NAT1: variants seen among roughly 807,000 people sequenced by gnomAD.
NAT1 encodes N-acetyltransferase 1.
For synonymous variants in NAT1, 144 were observed against 122.6 expected (o/e 1.17, Z -1.16); for missense variants, 400 against 339.2 (o/e 1.18, Z -1.41).
rs552236756 is a variant in NAT1 at position 18,193,773 on chromosome 8, C to T, written n.93-16008C>T. Reference sequence around the variant, plus strand: ...TCTCCTGCCTTAGTCTCCTGAGTAGCTGGGATACAGGTGCCTGCCACCACA... The same window carrying T: ...TCTCCTGCCTTAGTCTCCTGAGTAGTTGGGATACAGGTGCCTGCCACCACA... On this transcript the variant is annotated intron_variant and non_coding_transcript_variant, in intron 2 of 4. Coordinates refer to the NAT1 transcript ENST00000517441. Among the ~76,000 whole-genome samples, 32 of 150,538 alleles carry T rather than the reference C, an allele frequency of 2.1e-4. No individual in the cohort carries two copies. In the East Asian group the frequency reaches 5.2e-3, roughly 24 times the overall value.
At chr8:18,199,730 G>T (rs912413757) in intron 2 of NAT1, among the ~76,000 whole-genome samples, 1 of 152,164 alleles carries the variant, frequency 6.6e-6, no homozygotes. Flanking sequence ...AGTTTTGGAA[G>T]TAGCTCATAG....
chr8:18,179,752 A>C (rs1375460920), intron 2 of NAT1, among the ~76,000 whole-genome samples: 1 of 152,176 alleles, frequency 6.6e-6, no homozygotes, highest in Non-Finnish European at 1.5e-5. Flanking sequence ...ATAGATCTAC[A>C]CATGTGCTAT....
intron 2 of NAT1, among the ~76,000 whole-genome samples, chr8:18,193,812 T>C (rs1185781595): frequency 6.6e-6 from 1 of 151,820 alleles, no homozygotes; most frequent in Non-Finnish European, 1.5e-5. Context: ...AGCTAATTTT[T>C]GTATTTTTAG....
intron 2 of NAT1, among the ~76,000 whole-genome samples, chr8:18,220,624 C>T (rs1016616294): frequency 6.6e-6 from 1 of 152,100 alleles, no homozygotes; most frequent in Non-Finnish European, 1.5e-5. Context: ...TCAGGTCTTT[C>T]CTCATTCTAC....
At chr8:18,183,388 TA>T (rs1802600961) in intron 2 of NAT1, among the ~76,000 whole-genome samples, 1 of 152,198 alleles carries the variant, frequency 6.6e-6, no homozygotes, top group Non-Finnish European at 1.5e-5. Flanking sequence ...CGTCCTCGCA[TA>T]TAAAATACAT....
chr8:18,194,541 C>G (rs1324019979), intron 2 of NAT1, among the ~76,000 whole-genome samples: 3 of 152,066 alleles, frequency 2.0e-5, no homozygotes, highest in African/African-American at 7.2e-5. Context: ...TTAAGGTTGG[C>G]TGGGCACGGT....
Position 18,172,556 on chromosome 8 carries a change from G to A in NAT1, n.92+1817G>A, listed in dbSNP as rs116806250. ...ATTTCCCCTGGCCTGTGCCCATGCTGTTTCTCTGTGCAGGCCACCCTTTAC... is the reference window on the plus strand; with the variant it reads ...ATTTCCCCTGGCCTGTGCCCATGCTATTTCTCTGTGCAGGCCACCCTTTAC... On this transcript the variant is annotated intron_variant and non_coding_transcript_variant, in intron 2 of 4. Transcript: ENST00000517441. Among the ~76,000 whole-genome samples the A allele has an allele frequency of 3.7e-3, 557 of 152,260 alleles. 4 individuals are homozygous for A. The highest frequency in any genetic ancestry group is 0.013 in the African/African-American group (535 of 41,558).
At chr8:18,215,662 G>T (rs1207591030) in intron 1 of NAT1, among the ~76,000 whole-genome samples, 2 of 151,702 alleles carry the variant, frequency 1.3e-5, no homozygotes, top group African/African-American at 2.4e-5. Context: ...ATTGGTTGTG[G>T]TTTTTTTGTA....
chr8:18,211,872 C>G (rs1267823013), intron 1 of NAT1, among the ~76,000 whole-genome samples: 1 of 152,194 alleles, frequency 6.6e-6, no homozygotes, highest in African/African-American at 2.4e-5. Context: ...CTCATTGGCT[C>G]TCCTTGTAAT....
At chr8:18,205,471 G>A (rs955878883), upstream of NAT1, among the ~76,000 whole-genome samples, 1 of 152,178 alleles carries the variant, frequency 6.6e-6, no homozygotes, top group African/African-American at 2.4e-5. Flanking sequence ...CACTCCCTCA[G>A]CAGTGTTAGC....
intron 2 of NAT1, among the ~76,000 whole-genome samples, chr8:18,183,868 C>A (rs1156235238): frequency 6.6e-6 from 1 of 152,160 alleles, no homozygotes; most frequent in Non-Finnish European, 1.5e-5. Flanking sequence ...ACTCTATGGC[C>A]TGCCTTTCAG....
chr8:18,208,067 A>G (rs1803801850), upstream of NAT1, among the ~76,000 whole-genome samples: 1 of 149,214 alleles, frequency 6.7e-6, no homozygotes, highest in South Asian at 2.2e-4. Flanking sequence ...CTGAACAATG[A>G]GAAGACATGG....
chr8:18,185,507 A>C (rs1802697696), intron 2 of NAT1, among the ~76,000 whole-genome samples: 2 of 151,968 alleles, frequency 1.3e-5, no homozygotes, highest in Admixed American at 1.3e-4. Context: ...CCCCTTTTCA[A>C]TCCTATATTG....
At chr8:18,213,954 C>T (rs979589466) in intron 1 of NAT1, among the ~76,000 whole-genome samples, 18 of 152,146 alleles carry the variant, frequency 1.2e-4, no homozygotes, top group African/African-American at 4.1e-4. Flanking sequence ...GCTGGGACTA[C>T]AGGCACCTGC....
At chr8:18,174,754 T>C (rs1802222601) in intron 2 of NAT1, among the ~76,000 whole-genome samples, 1 of 152,056 alleles carries the variant, frequency 6.6e-6, no homozygotes, top group Non-Finnish European at 1.5e-5. Context: ...CAGGGTTTTT[T>C]CTAGCTCTAT....
chr8:18,175,168 C>A (rs1802245538), intron 2 of NAT1, among the ~76,000 whole-genome samples: 8 of 151,834 alleles, frequency 5.3e-5, no homozygotes, highest in Admixed American at 5.3e-4. Context: ...AAGAGTCAAT[C>A]AAGGTAATTA....
chr8:18,217,391 C>T (rs923945996), intron 1 of NAT1, among the ~76,000 whole-genome samples: 14 of 152,234 alleles, frequency 9.2e-5, no homozygotes, highest in Admixed American at 3.9e-4. Flanking sequence ...AGACGCTTTG[C>T]GTCCCTTGCT....
At chr8:18,183,802 T>A (rs1240747225) in intron 2 of NAT1, among the ~76,000 whole-genome samples, 1 of 152,118 alleles carries the variant, frequency 6.6e-6, no homozygotes, top group Non-Finnish European at 1.5e-5. Context: ...GGGTAGCAGG[T>A]TTCAAGTCCC....
At chr8:18,181,771 A>G (rs1802530432) in intron 2 of NAT1, among the ~76,000 whole-genome samples, 1 of 152,080 alleles carries the variant, frequency 6.6e-6, no homozygotes, top group South Asian at 2.1e-4. Flanking sequence ...GTTTGTTGAG[A>G]CATTTCACCA....
Sources: gnomAD v4.1 joint callset for allele counts (sites outside exome capture counted in the v4.1 genomes callset) on GRCh38, gnomAD v4.1.1 for gene constraint, MANE v1.5 for transcripts, NCBI Gene and HGNC (gene_info 2026-07-23, HGNC 2026-07-21) for gene names.